APPBP2: variants seen among roughly 807,000 people sequenced by gnomAD.
APPBP2 encodes the protein amyloid protein-binding protein 2.
Under a neutral mutation model 76.0 loss-of-function variants are expected in APPBP2, and 15 were observed. The observed-to-expected ratio is 0.20, with a 90% CI of 0.13 to 0.30. The LOEUF is 0.30. Among genes scored for constraint, APPBP2 ranks in the 10% least tolerant of loss-of-function variants. APPBP2 has a pLI of 1.00. For synonymous variants in APPBP2, 222 were observed against 242.2 expected (o/e 0.92, Z 0.77); for missense variants, 401 against 687.2 (o/e 0.58, Z 4.66).
chr17:60,466,235 CCT>C, intron 5 of APPBP2, 54 bp downstream of exon 5: 4 of 1,477,178 alleles, frequency 2.7e-6, no homozygotes, highest in South Asian at 1.2e-5. Flanking sequence ...TTTGATTTAC[CCT>C]CTGTTTTTAT....
intron 2 of APPBP2, among the ~76,000 whole-genome samples, chr17:60,499,650 G>C (rs895163283): frequency 4.6e-5 from 7 of 152,082 alleles, no homozygotes; most frequent in Admixed American, 3.9e-4. Flanking sequence ...TAGCCAAAAG[G>C]TAGAAAGAAC....
chr17:60,492,413 T>C (rs1167981235), intron 3 of APPBP2, among the ~76,000 whole-genome samples: 1 of 152,162 alleles, frequency 6.6e-6, no homozygotes, highest in East Asian at 1.9e-4. Flanking sequence ...CACTGAAAGC[T>C]TGCACCGTGT....
intron 11 of APPBP2, among the ~76,000 whole-genome samples, chr17:60,453,516 T>G (rs1436810409): frequency 6.6e-6 from 1 of 150,928 alleles, no homozygotes; most frequent in Non-Finnish European, 1.5e-5. Context: ...TTGACATGTT[T>G]CCTAATTTTT....
At chr17:60,525,718 G>C (rs1294177367) in intron 1 of APPBP2, 76 bp downstream of exon 1, 1 of 1,597,334 alleles carries the variant, frequency 6.3e-7, no homozygotes, top group East Asian at 2.2e-5. Flanking sequence ...TTAACTGCGG[G>C]GGTTCGCAGA....
chr17:60,457,370 T>C (rs1334289184), intron 9 of APPBP2, among the ~76,000 whole-genome samples: 1 of 152,158 alleles, frequency 6.6e-6, no homozygotes, highest in Non-Finnish European at 1.5e-5. Context: ...AATTCTCTCT[T>C]TTGTTGTAAC....
rs535202656 is a variant in APPBP2 at position 60,490,051 on chromosome 17, C to G, written c.379+4415G>C. Among the ~76,000 whole-genome samples, 237 of 152,024 alleles carry G rather than the reference C, an allele frequency of 1.6e-3. 1 individual carries two copies. Among genetic ancestry groups the G allele is most frequent in the African/African-American group, 5.5e-3 (227 of 41,444 alleles). On this transcript the variant is annotated intron_variant, in intron 3 of 12. Transcript: ENST00000083182. ...CTCCATCTCAGAAAACAAAACAAAA[C>G]AAAACAAAACAAAACAAAAACCCCC...
At position 60,444,552 on chromosome 17, in the gene APPBP2, A is replaced by G. The variant is rs573455989; in HGVS notation, c.*3029T>C. On this transcript the variant is annotated 3_prime_UTR_variant, in exon 13 of 13. Transcript: ENST00000083182. ...CAAAGGTCTTTCTCAAATTATTTTC[A>G]CAAGTGAAAAAATACCTGGGCAGGG... 1 of 152,168 alleles carries G rather than the reference A, an allele frequency of 6.6e-6. No individual in the cohort carries two copies. Among genetic ancestry groups the G allele is most frequent in the African/African-American group, 2.4e-5 (1 of 41,520 alleles). The allele number at this position is 152,168 out of a possible 1,614,324, so 9.4% of individuals were successfully genotyped here.
rs373387605 is a variant in APPBP2 at position 60,479,192 on chromosome 17, G to A, written c.459C>T (p.His153=). The change falls in exon 4 of 13, where the codon CAC becomes CAT. Residue 153 remains histidine (H), a synonymous_variant. Transcript: ENST00000083182. ...FLSCLQLCTL[H]DEMLHWFRAV... ...CACGAAACCAATGAAGCATCTCATC[G>A]TGTAGAGTACACAACTGAAGGCAGG... is the stretch of plus-strand genomic sequence containing the variant. The A allele has an allele frequency of 3.0e-5, 48 of 1,613,786 alleles. No homozygotes were observed. The African/African-American group carries it at 3.3e-4, about 11-fold the overall frequency.
At chr17:60,478,873 G>A (rs2090609577) in intron 4 of APPBP2, among the ~76,000 whole-genome samples, 6 of 152,296 alleles carry the variant, frequency 3.9e-5, no homozygotes, top group Admixed American at 3.9e-4. Context: ...CTGTGCCACT[G>A]CACTCCAGCC....
intron 3 of APPBP2, 63 bp from the exon 4 acceptor site, chr17:60,479,334 A>G (rs2090613421): frequency 2.7e-6 from 4 of 1,493,604 alleles, no homozygotes; most frequent in African/African-American, 2.8e-5. Context: ...ATAAAATGAC[A>G]TGCTGACAGT....
At chr17:60,463,604 A>C (rs1172839772) in intron 6 of APPBP2, among the ~76,000 whole-genome samples, 1 of 152,250 alleles carries the variant, frequency 6.6e-6, no homozygotes, top group Non-Finnish European at 1.5e-5. Context: ...GTGAGACTGC[A>C]ATACTATGAC....
Position 60,512,738 on chromosome 17 carries a change from G to A in APPBP2, c.139-12251C>T, listed in dbSNP as rs901341186. Among the ~76,000 whole-genome samples, 3 of 150,030 alleles carry A rather than the reference G, an allele frequency of 2.0e-5. No individual in the cohort carries two copies. The Admixed American group carries it at 2.0e-4, about 10-fold the overall frequency. ...TAGTCCCAGCTACTCAGGAGGCTGA[G>A]GCAGGAAAATAATTTGAACTCAGGA... On this transcript the variant is annotated intron_variant, in intron 1 of 12. Transcript: ENST00000083182.
At position 60,518,735 on chromosome 17, in the gene APPBP2, C is replaced by T. The variant is rs117651006; in HGVS notation, c.138+7059G>A. Reference sequence around the variant, plus strand: ...CCCAGGCAGGTCTAGAACTCTTAGGCTCAAGCCATCCTCCCACCTTGGCCT... The same window carrying T: ...CCCAGGCAGGTCTAGAACTCTTAGGTTCAAGCCATCCTCCCACCTTGGCCT... On this transcript the variant is annotated intron_variant, in intron 1 of 12. Transcript: ENST00000083182. 4.7e-3 allele frequency among the ~76,000 whole-genome samples: 715 copies of T among 152,112 alleles called. 6 individuals carry two copies. The highest frequency in any genetic ancestry group is 0.017 in the Middle Eastern group (5 of 290).
chr17:60,456,264 T>A (rs763392176), intron 10 of APPBP2, 32 bp downstream of exon 10: 4 of 1,381,786 alleles, frequency 2.9e-6, no homozygotes, highest in Non-Finnish European at 2.1e-6. Flanking sequence ...TCATCTATTT[T>A]AAAATATCTG....
At chr17:60,481,013 G>A (rs569344661) in intron 3 of APPBP2, among the ~76,000 whole-genome samples, 121 of 152,254 alleles carry the variant, frequency 7.9e-4, no homozygotes, top group African/African-American at 2.6e-3. Context: ...CAGTTTCACA[G>A]CACTCCATCA....
intron 1 of APPBP2, among the ~76,000 whole-genome samples, chr17:60,521,621 T>A (rs2143509121): frequency 6.6e-6 from 1 of 152,292 alleles, no homozygotes; most frequent in South Asian, 2.1e-4. Flanking sequence ...CTCGCTTTAT[T>A]GCCCAGGCAG....
At position 60,444,558 on chromosome 17, in the gene APPBP2, G is replaced by GA. The variant is rs2090330399; in HGVS notation, c.*3022dup. The GA allele has an allele frequency of 6.6e-6, 1 of 151,990 alleles. No homozygotes were observed. The highest frequency in any genetic ancestry group is 2.4e-5 in the African/African-American group (1 of 41,476). The allele number at this position is 151,990 out of a possible 1,614,324, so 9.4% of individuals were successfully genotyped here. On this transcript the variant is annotated 3_prime_UTR_variant, in exon 13 of 13. Transcript: ENST00000083182. Reference sequence around the variant, plus strand: ...TCTTTCTCAAATTATTTTCACAAGTGAAAAAATACCTGGGCAGGGGTTACT... The same window carrying GA: ...TCTTTCTCAAATTATTTTCACAAGTGAAAAAAATACCTGGGCAGGGGTTACT...
chr17:60,469,264 T>G (rs2090533771), intron 4 of APPBP2, among the ~76,000 whole-genome samples: 1 of 144,930 alleles, frequency 6.9e-6, no homozygotes, highest in Admixed American at 7.1e-5. Flanking sequence ...AGGCAGAGAT[T>G]GCAGTGAGTC....
At chr17:60,463,732 A>G (rs1458510607) in intron 6 of APPBP2, among the ~76,000 whole-genome samples, 1 of 152,226 alleles carries the variant, frequency 6.6e-6, no homozygotes, top group Non-Finnish European at 1.5e-5. Context: ...AACTCAAGCC[A>G]GAATAGCACC....
Sources: allele counts gnomAD v4.1 joint callset (sites outside exome capture counted in the v4.1 genomes callset), GRCh38; gene constraint gnomAD v4.1.1; transcripts MANE v1.5; gene names NCBI Gene and HGNC (gene_info 2026-07-23, HGNC 2026-07-21).